Variants in PTPRF observed in about 807,000 individuals in gnomAD.
PTPRF encodes the protein protein tyrosine phosphatase receptor type F.
PTPRF carries 59 observed loss-of-function variants against 201.8 expected under a neutral mutation model. The observed-to-expected ratio is 0.29, with a 90% CI of 0.24 to 0.36. The LOEUF (loss-of-function observed/expected upper bound fraction) is 0.36. Among genes scored for constraint, PTPRF ranks in the 10% least tolerant of loss-of-function variants. The pLI, the probability that PTPRF is intolerant of heterozygous loss-of-function variation, is 1.00. For missense variants in PTPRF, 2,132 were observed against 2,690.5 expected (o/e 0.79, Z 4.59); for synonymous variants, 1,088 against 1,089.7 (o/e 1.00, Z 0.03).
chr1:43,576,346 A>G (rs548221262), intron 6 of PTPRF, among the ~76,000 whole-genome samples: 190 of 152,284 alleles, frequency 1.2e-3, no homozygotes, highest in Non-Finnish European at 2.0e-3. Flanking sequence ...GGGGACCTCA[A>G]TTATTACTTG....
chr1:43,547,364 T>G (rs1392855592), intron 3 of PTPRF, among the ~76,000 whole-genome samples: 1 of 152,232 alleles, frequency 6.6e-6, no homozygotes, highest in Non-Finnish European at 1.5e-5. Context: ...AAATCCTGCC[T>G]TCTTCAGGTA....
rs902792857 is a variant in PTPRF, at chr1:43,544,297, C to T, written c.-45-734C>T. 2.6e-5 allele frequency among the ~76,000 whole-genome samples: 4 copies of T among 152,322 alleles called. No homozygotes were observed. In the East Asian group the frequency reaches 7.7e-4, roughly 29 times the overall value. ...CCCCATTCCTGGCCACTGAGGCCTC[C>T]CTGTGGTTTCTCTGTGAAGTAGGAA... On this transcript the variant is annotated intron_variant, in intron 2 of 33. Transcript: ENST00000359947.
At chr1:43,566,891 T>G (rs562692351) in intron 5 of PTPRF, among the ~76,000 whole-genome samples, 17 of 152,280 alleles carry the variant, frequency 1.1e-4, no homozygotes, top group African/African-American at 3.9e-4. Context: ...TGAGGGATGA[T>G]CTGAGCCAAG....
chr1:43,578,768 C>A (rs751093739), intron 6 of PTPRF, 42 bp from the exon 7 acceptor site: 1 of 1,492,206 alleles, frequency 6.7e-7, no homozygotes, highest in Non-Finnish European at 9.3e-7. Flanking sequence ...AGGCCACACT[C>A]GACATGGGCC....
At chr1:43,612,657 C>T (rs765058286) in intron 22 of PTPRF, 10 of 1,026,104 alleles carry the variant, frequency 9.7e-6, no homozygotes, top group African/African-American at 3.3e-5. Flanking sequence ...CTCGCAAGCC[C>T]GCTCGGCACC....
At position 43,537,614 on chromosome 1, in the gene PTPRF, C is replaced by T. The variant is rs1235687807; in HGVS notation, c.-125-584C>T. Among the ~76,000 whole-genome samples the T allele has an allele frequency of 6.6e-6, 1 of 152,228 alleles. No individual in the cohort carries two copies. The highest frequency in any genetic ancestry group is 2.4e-5 in the African/African-American group (1 of 41,460). ...AATAGTCATGTTTGTGGTCACGGCT[C>T]CAAGCCAAGGTCCAGGCAGGTAGTC... On this transcript the variant is annotated intron_variant, in intron 1 of 33. Coordinates refer to ENST00000359947, the MANE Select transcript of PTPRF (RefSeq NM_002840.5). The surrounding 1 kb of genome is among the most constrained non-coding windows in gnomAD (Gnocchi z 4.8).
At chr1:43,576,929 A>C (rs1181600987) in intron 6 of PTPRF, among the ~76,000 whole-genome samples, 1 of 152,002 alleles carries the variant, frequency 6.6e-6, no homozygotes, top group African/African-American at 2.4e-5. Context: ...CTCTTGCTTC[A>C]CCTGGGAGCC....
At chr1:43,618,906 T>C in intron 26 of PTPRF, 142 bp from the exon 27 acceptor site, 1 of 1,440,870 alleles carries the variant, frequency 6.9e-7, no homozygotes, top group Non-Finnish European at 9.5e-7. Flanking sequence ...ATGGGAACAG[T>C]GCTAGGAGCT....
chr1:43,622,279 G>T lies in PTPRF; in HGVS notation c.*276G>T. 1 of 473,728 alleles carries T rather than the reference G, an allele frequency of 2.1e-6. No homozygotes were observed. The highest frequency in any genetic ancestry group is 3.8e-6 in the Non-Finnish European group (1 of 263,338). 29.3% of individuals were successfully genotyped at this position (473,728 alleles called of 1,614,324 possible). On this transcript the variant is annotated 3_prime_UTR_variant, in exon 34 of 34. Transcript: ENST00000359947. The stretch of plus-strand genomic sequence containing the variant: ...GCTTCAAGCTCTCTGTTGCGCTCCC[G>T]CATTTCTCATGCTTCTTCTCATGGG...
intron 2 of PTPRF, among the ~76,000 whole-genome samples, chr1:43,539,229 A>G (rs1644212772): frequency 6.6e-6 from 1 of 152,190 alleles, no homozygotes; most frequent in East Asian, 1.9e-4. Flanking sequence ...GGCAGGTCAG[A>G]TTCAAACTTA....
At chr1:43,568,108 C>T (rs552342285) in intron 5 of PTPRF, among the ~76,000 whole-genome samples, 18 of 152,106 alleles carry the variant, frequency 1.2e-4, no homozygotes, top group African/African-American at 4.3e-4. Context: ...CCAGCCTGGC[C>T]AACATGGTGA....
intron 26 of PTPRF, 32 bp downstream of exon 26, chr1:43,618,781 C>A: frequency 6.3e-7 from 1 of 1,584,912 alleles, no homozygotes; most frequent in Non-Finnish European, 8.6e-7. Flanking sequence ...TATCTCTTAC[C>A]CAGACACTGT....
In PTPRF at chr1:43,588,081, C is replaced by T. The variant is rs1216382902; in HGVS notation, c.680-650C>T. Among the ~76,000 whole-genome samples, 3 of 152,210 alleles carry T rather than the reference C, an allele frequency of 2.0e-5. No individual in the cohort carries two copies. The highest frequency in any genetic ancestry group is 2.9e-5 in the Non-Finnish European group (2 of 68,032). ...AGACCATGTCCCTGGCCTGCCCTGA[C>T]CCCTGCCCCTCCCCAGTCCTCCTGA... On this transcript the variant is annotated intron_variant, in intron 7 of 33. Transcript: ENST00000359947. The surrounding 1 kb of genome is among the most constrained non-coding windows in gnomAD (Gnocchi z 5.3).
chr1:43,592,399 C>T, intron 10 of PTPRF, 58 bp from the exon 11 acceptor site: 3 of 1,551,304 alleles, frequency 1.9e-6, no homozygotes, highest in South Asian at 1.2e-5. Flanking sequence ...TGTTGGGGAA[C>T]AACCTGTGAG....
intron 21 of PTPRF, 151 bp downstream of exon 21, chr1:43,607,119 G>A: frequency 9.2e-7 from 1 of 1,088,606 alleles, no homozygotes; most frequent in Non-Finnish European, 1.3e-6. Context: ...CAGGAGCAGT[G>A]TGTGTGCCTA....
chr1:43,534,850 G>A (rs920773260), intron 1 of PTPRF, among the ~76,000 whole-genome samples: 3 of 152,196 alleles, frequency 2.0e-5, no homozygotes, highest in Non-Finnish European at 4.4e-5. Context: ...TTTACTAGCA[G>A]CGTGACTTTA....
intron 20 of PTPRF, among the ~76,000 whole-genome samples, 154 bp from the exon 21 acceptor site, chr1:43,606,660 C>T (rs1655192680): frequency 6.6e-6 from 1 of 152,160 alleles, no homozygotes; most frequent in African/African-American, 2.4e-5. Context: ...TAATGTGGCT[C>T]CAGGGACCCA....
At chr1:43,578,123 GCACTGGCCCGAGTGAGAGCTCCAACCTC>G (rs1185189930) in intron 6 of PTPRF, among the ~76,000 whole-genome samples, 8 of 152,264 alleles carry the variant, frequency 5.3e-5, no homozygotes, top group African/African-American at 1.9e-4. Context: ...GCCCCTCAGG[GCACTGGCCCGAGTGAGAGCTCCAACCTC>G]CATTAGCCTC....
chr1:43,591,592 G>A (rs1318412882), intron 9 of PTPRF, 39 bp downstream of exon 9: 1 of 1,515,878 alleles, frequency 6.6e-7, no homozygotes, highest in South Asian at 1.2e-5. Flanking sequence ...CAACAGCAGA[G>A]AAGGGGAGGC....
Sources: gnomAD v4.1 joint callset for allele counts (sites outside exome capture counted in the v4.1 genomes callset) on GRCh38, gnomAD v4.1.1 for gene constraint, Gnocchi (gnomAD v3.1) non-coding constraint, MANE v1.5 for transcripts, NCBI Gene and HGNC (gene_info 2026-07-23, HGNC 2026-07-21) for gene names.